Variants in WWOX observed in about 807,000 individuals in gnomAD.
WWOX encodes WW domain containing oxidoreductase.
WWOX carries 69 observed loss-of-function variants against 46.2 expected under a neutral mutation model. The observed-to-expected ratio is 1.49, with a 90% CI of 1.23 to 1.82. The LOEUF (loss-of-function observed/expected upper bound fraction) is 1.82, where lower values mean the gene tolerates loss of function less well. WWOX is among the 40% of genes most tolerant of loss of function. The probability of loss-of-function intolerance (pLI) is 0.00; values close to 1 mark genes in which losing one functional copy is unlikely to be tolerated. For synonymous variants in WWOX, 359 were observed against 202.6 expected (o/e 1.77, Z -6.56); for missense variants, 919 against 542.6 (o/e 1.69, Z -6.89).
chr16:78,527,210 C>G (rs58715429), intron 8 of WWOX, among the ~76,000 whole-genome samples: 1 of 151,876 alleles, frequency 6.6e-6, no homozygotes, highest in African/African-American at 2.4e-5. Context: ...CCCCACACAA[C>G]CTAAGGACGA....
intron 6 of WWOX, among the ~76,000 whole-genome samples, chr16:78,405,520 C>G (rs914434255): frequency 2.0e-5 from 3 of 152,146 alleles, no homozygotes; most frequent in African/African-American, 7.2e-5. Flanking sequence ...TTTATTTGCT[C>G]TTTCCTTGAA....
chr16:78,247,623 C>T (rs1367596987), intron 5 of WWOX, among the ~76,000 whole-genome samples: 2 of 152,194 alleles, frequency 1.3e-5, no homozygotes, highest in Non-Finnish European at 2.9e-5. Flanking sequence ...CACCTGCCCC[C>T]TGCCCCTTAT....
chr16:78,698,988 A>G lies in WWOX; in HGVS notation c.1056+266236A>G, dbSNP rs1013721898. Among the ~76,000 whole-genome samples, 12 of 152,210 alleles carry G rather than the reference A, an allele frequency of 7.9e-5. 1 individual carries two copies. The highest frequency in any genetic ancestry group is 2.7e-4 in the African/African-American group (11 of 41,452). On this transcript the variant is annotated intron_variant, in intron 8 of 8. Transcript: ENST00000566780. ...AACTGTTAGGCCAATGTGTTATTCT[A>G]GAATAGGACTTGACAGACTTTTTTT... is the stretch of plus-strand genomic sequence containing the variant.
intron 5 of WWOX, among the ~76,000 whole-genome samples, chr16:78,220,509 T>C (rs2036854478): frequency 6.6e-6 from 1 of 152,168 alleles, no homozygotes; most frequent in Non-Finnish European, 1.5e-5. Context: ...TATTTTCTGA[T>C]CATAACTTGA....
chr16:78,579,680 G>A (rs917908470), intron 8 of WWOX, among the ~76,000 whole-genome samples: 1 of 152,190 alleles, frequency 6.6e-6, no homozygotes, highest in Admixed American at 6.5e-5. Flanking sequence ...TCACATTACC[G>A]ACGGAGAAGT....
intron 5 of WWOX, chr16:78,237,375 C>T (rs150685828): frequency 3.3e-5 from 5 of 152,092 alleles, no homozygotes; most frequent in East Asian, 1.9e-4. Flanking sequence ...TGGCTCATAT[C>T]GTATTTGTTA....
At chr16:79,049,223 C>G (rs1278601519) in intron 8 of WWOX, among the ~76,000 whole-genome samples, 1 of 152,216 alleles carries the variant, frequency 6.6e-6, no homozygotes, top group Non-Finnish European at 1.5e-5. Context: ...TAATGAGTGG[C>G]TGTGGCTGTG....
intron 8 of WWOX, among the ~76,000 whole-genome samples, chr16:78,547,401 G>A (rs553357362): frequency 1.3e-5 from 2 of 152,146 alleles, no homozygotes; most frequent in African/African-American, 2.4e-5. Context: ...AAACGACACA[G>A]CATGCACCCA....
intron 8 of WWOX, among the ~76,000 whole-genome samples, chr16:79,200,166 T>C (rs976415393): frequency 6.6e-6 from 1 of 152,074 alleles, no homozygotes; most frequent in Non-Finnish European, 1.5e-5. Flanking sequence ...CTGTTCAAAA[T>C]CACATGACAT....
intron 8 of WWOX, among the ~76,000 whole-genome samples, chr16:79,120,917 C>A (rs535451206): frequency 1.3e-5 from 2 of 152,022 alleles, no homozygotes; most frequent in African/African-American, 2.4e-5. Flanking sequence ...TACAGGCGTG[C>A]GCCACCATGC....
At chr16:78,848,405 C>G (rs1380767564) in intron 8 of WWOX, among the ~76,000 whole-genome samples, 1 of 152,190 alleles carries the variant, frequency 6.6e-6, no homozygotes, top group Non-Finnish European at 1.5e-5. Context: ...ACTAGACCAG[C>G]ACCTCGAGAA....
chr16:78,702,112 ATATATATATATT>A (rs1469859727), intron 8 of WWOX, among the ~76,000 whole-genome samples: 5 of 132,188 alleles, frequency 3.8e-5, no homozygotes, highest in African/African-American at 9.5e-5. Context: ...ATATATATAT[ATATATATATATT>A]TATTTATTTT....
In WWOX at chr16:78,975,156, TTGTTA is replaced by T. The variant is rs564254816; in HGVS notation, c.1057-236447_1057-236443del. On this transcript the variant is annotated intron_variant, in intron 8 of 8. Coordinates refer to ENST00000566780, the MANE Select transcript of WWOX (RefSeq NM_016373.4). ...TACTCCAGTCCTTAAAAAGTCAACA[TTGTTA>T]TGTTTTACTTAGTTATGACTTAGTG... Among the ~76,000 whole-genome samples the T allele has an allele frequency of 9.9e-5, 15 of 152,282 alleles. 1 individual carries two copies. Among genetic ancestry groups the T allele is most frequent in the Non-Finnish European group, 1.3e-4 (9 of 68,016 alleles).
At chr16:78,575,759 A>G (rs1198423024) in intron 8 of WWOX, among the ~76,000 whole-genome samples, 2 of 152,130 alleles carry the variant, frequency 1.3e-5, no homozygotes, top group Non-Finnish European at 2.9e-5. Context: ...TCACAACTCT[A>G]TTTACTTTTA....
intron 8 of WWOX, among the ~76,000 whole-genome samples, chr16:79,192,343 C>T (rs1427377924): frequency 2.0e-5 from 3 of 151,642 alleles, no homozygotes; most frequent in Admixed American, 6.6e-5. Flanking sequence ...ATTCATCCAC[C>T]CATCCATTCA....
intron 8 of WWOX, chr16:78,897,993 A>C (rs1017058434): frequency 5.1e-5 from 7 of 136,294 alleles, no homozygotes; most frequent in Non-Finnish European, 9.3e-5. Flanking sequence ...TGTATTGGCC[A>C]TTTTCTAAAA....
intron 8 of WWOX, among the ~76,000 whole-genome samples, chr16:78,631,520 A>T (rs978342574): frequency 4.0e-5 from 6 of 148,822 alleles, no homozygotes; most frequent in South Asian, 2.1e-4. Context: ...TTCAACAGAT[A>T]TTTTCAGTGT....
At chr16:79,160,718 A>T (rs1220318455) in intron 8 of WWOX, among the ~76,000 whole-genome samples, 1 of 152,158 alleles carries the variant, frequency 6.6e-6, no homozygotes, top group Non-Finnish European at 1.5e-5. Context: ...CCATCGATTT[A>T]GTGATAAAAT....
intron 5 of WWOX, among the ~76,000 whole-genome samples, chr16:78,331,097 CAA>C (rs1465999603): frequency 6.6e-6 from 1 of 152,004 alleles, no homozygotes. Flanking sequence ...AGATTTTTTT[CAA>C]AGTCTGTTTT....
Sources: allele counts gnomAD v4.1 joint callset (sites outside exome capture counted in the v4.1 genomes callset), GRCh38; gene constraint gnomAD v4.1.1; transcripts MANE v1.5; gene names NCBI Gene and HGNC (gene_info 2026-07-23, HGNC 2026-07-21).